Variants in SRFBP1 observed in about 807,000 individuals in gnomAD.
SRFBP1 encodes the protein serum response factor-binding protein 1.
In SRFBP1, 47 loss-of-function variants were observed where a neutral mutation model predicts 45.5. The ratio of observed to expected loss-of-function variants is 1.03; its 90% CI spans 0.82 to 1.32. SRFBP1 has a LOEUF of 1.32. SRFBP1 is among the 40% of genes most tolerant of loss of function. The pLI is 0.00. For missense variants in SRFBP1, 621 were observed against 484.6 expected (o/e 1.28, Z -2.64); for synonymous variants, 203 against 166.3 (o/e 1.22, Z -1.70).
At position 122,020,336 on chromosome 5, in the gene SRFBP1, G is replaced by A; in HGVS notation, c.601G>A (p.Ala201Thr). The change falls in exon 6 of 8, where the codon GCA (alanine) becomes ACA (threonine). Residue 201 changes from alanine (A) to threonine (T), a missense_variant. Coordinates refer to ENST00000339397, the MANE Select transcript of SRFBP1 (RefSeq NM_152546.3). Reference sequence around the variant, plus strand: ...ACATGGACCTAAAGCAGTGACTATTGCAAATTCTCCATCAAAGCCTTCAGA... The same window carrying A: ...ACATGGACCTAAAGCAGTGACTATTACAAATTCTCCATCAAAGCCTTCAGA... ...MEHGPKAVTI[A>T]NSPSKPSEKD... is the part of the protein sequence containing the mutation. 1 of 1,613,896 alleles carries A rather than the reference G, an allele frequency of 6.2e-7. No homozygotes were observed. The highest frequency in any genetic ancestry group is 1.1e-5 in the South Asian group (1 of 91,038).
chr5:122,077,726 G>A (rs572413728), downstream of SRFBP1: 4 of 1,580,308 alleles, frequency 2.5e-6, no homozygotes, highest in Admixed American at 5.4e-5. The surrounding 1 kb of genome is among the most constrained non-coding windows in gnomAD (Gnocchi z 4.9). Context: ...CGGAGTGCGG[G>A]GCTGCTGGGC....
chr5:122,017,491 C>G (rs1032923912), intron 4 of SRFBP1, among the ~76,000 whole-genome samples: 2 of 152,114 alleles, frequency 1.3e-5, no homozygotes, highest in Non-Finnish European at 2.9e-5. Flanking sequence ...TTAAGACCAC[C>G]CTGATCCACT....
rs562457241 is a variant in SRFBP1 at position 121,999,614 on chromosome 5, A to T, written c.270+4944A>T. Among the ~76,000 whole-genome samples the T allele has an allele frequency of 2.6e-5, 4 of 152,150 alleles. No individual in the cohort carries two copies. In the South Asian group the frequency reaches 6.2e-4, roughly 24 times the overall value. Reference sequence around the variant, plus strand: ...GTCACTTTTTGCCATATGCATTTTGAAACATGTATGTTAGATATGTAAACT... The same window carrying T: ...GTCACTTTTTGCCATATGCATTTTGTAACATGTATGTTAGATATGTAAACT... On this transcript the variant is annotated intron_variant, in intron 4 of 7. Coordinates refer to ENST00000339397, the MANE Select transcript of SRFBP1 (RefSeq NM_152546.3).
chr5:122,007,274 G>T (rs1365087410), intron 4 of SRFBP1, among the ~76,000 whole-genome samples: 1 of 152,012 alleles, frequency 6.6e-6, no homozygotes, highest in African/African-American at 2.4e-5. Flanking sequence ...TGGGGCCTCA[G>T]TCCATGGCAT....
chr5:121,973,458 C>T (rs1752240189), intron 1 of SRFBP1, among the ~76,000 whole-genome samples: 1 of 151,826 alleles, frequency 6.6e-6, no homozygotes, highest in Admixed American at 6.6e-5. Context: ...TCCGTAATTA[C>T]ATGCCATTGC....
chr5:122,015,637 A>G (rs888235991), intron 4 of SRFBP1, among the ~76,000 whole-genome samples: 23 of 152,234 alleles, frequency 1.5e-4, no homozygotes, highest in African/African-American at 5.3e-4. Flanking sequence ...AATAAAAGAA[A>G]GTTCCAGCGG....
chr5:122,036,210 A>G (rs1753690228), intron 2 of SRFBP1, among the ~76,000 whole-genome samples: 1 of 152,122 alleles, frequency 6.6e-6, no homozygotes, highest in Non-Finnish European at 1.5e-5. Flanking sequence ...GGACCTTCTG[A>G]TACCACTTTG....
intron 4 of SRFBP1, among the ~76,000 whole-genome samples, chr5:122,005,197 T>C (rs996343176): frequency 2.0e-5 from 3 of 152,172 alleles, no homozygotes; most frequent in Non-Finnish European, 4.4e-5. Context: ...GATGTTTCCT[T>C]ATTGATTTTC....
At chr5:122,072,733 T>G (rs1754485434) in intron 2 of SRFBP1, among the ~76,000 whole-genome samples, 1 of 152,112 alleles carries the variant, frequency 6.6e-6, no homozygotes, top group African/African-American at 2.4e-5. Flanking sequence ...AAAGAACATA[T>G]ATGGAAGATG....
Position 121,998,415 on chromosome 5 carries a change from A to G in SRFBP1, c.270+3745A>G, listed in dbSNP as rs1480515163. The stretch of plus-strand genomic sequence containing the variant: ...TCATTCTCAGTAAACTATCGCAAGA[A>G]CAAAAAACCAAACACCGCATATTCT... On this transcript the variant is annotated intron_variant, in intron 4 of 7. Coordinates refer to ENST00000339397, the MANE Select transcript of SRFBP1 (RefSeq NM_152546.3). Among the ~76,000 whole-genome samples, 27 of 145,760 alleles carry G rather than the reference A, an allele frequency of 1.9e-4. No individual in the cohort carries two copies. The East Asian group carries it at 5.2e-3, about 28-fold the overall frequency.
intron 6 of SRFBP1, among the ~76,000 whole-genome samples, chr5:122,021,668 C>G (rs1407902274): frequency 1.0e-5 from 1 of 96,954 alleles, no homozygotes; most frequent in Non-Finnish European, 2.0e-5. Flanking sequence ...AAATATAAAT[C>G]TTTTTTTTTT....
At chr5:122,043,619 T>C (rs1753805816) in intron 2 of SRFBP1, among the ~76,000 whole-genome samples, 1 of 152,236 alleles carries the variant, frequency 6.6e-6, no homozygotes, top group Non-Finnish European at 1.5e-5. Context: ...TTTTACAATA[T>C]GAAATAATTG....
At chr5:121,990,411 C>A (rs1180607749) in intron 3 of SRFBP1, among the ~76,000 whole-genome samples, 1 of 152,102 alleles carries the variant, frequency 6.6e-6, no homozygotes, top group African/African-American at 2.4e-5. Flanking sequence ...GAGCAGGAGA[C>A]ACCGTGGACT....
At chr5:122,075,546 G>A in exon 3 of SRFBP1, 1 of 1,553,320 alleles carries the variant, frequency 6.4e-7, no homozygotes, top group Non-Finnish European at 8.7e-7. Flanking sequence ...GCTGTACTGT[G>A]ATTTTGAAAA....
Position 122,019,311 on chromosome 5 carries a change from C to T in SRFBP1, c.322C>T (p.Leu108Phe), listed in dbSNP as rs1308008446. ...AATTGCCAGACTAGCAGTACATCCT[C>T]TTCTGAAGAAAAAGATAGATGTGCT... Reference protein sequence around the residue: ...RAIARLAVHPLLKKKIDVLKA... With the variant: ...RAIARLAVHPFLKKKIDVLKA... The change falls in exon 5 of 8, where the codon CTT becomes TTT. Residue 108 changes from leucine to phenylalanine, a missense_variant. Coordinates refer to ENST00000339397, the MANE Select transcript of SRFBP1 (RefSeq NM_152546.3). 2 of 1,612,360 alleles carry T rather than the reference C, an allele frequency of 1.2e-6. No homozygotes were observed. Among genetic ancestry groups the T allele is most frequent in the Admixed American group, 3.3e-5 (2 of 59,872 alleles).
intron 2 of SRFBP1, among the ~76,000 whole-genome samples, chr5:122,057,477 G>A (rs990996670): frequency 6.6e-6 from 1 of 151,580 alleles, no homozygotes; most frequent in Non-Finnish European, 1.5e-5. Flanking sequence ...GTGTGTGTGT[G>A]TGTGTGTGTG....
chr5:122,059,080 A>G (rs1246093131), intron 2 of SRFBP1, among the ~76,000 whole-genome samples: 1 of 152,166 alleles, frequency 6.6e-6, no homozygotes, highest in African/African-American at 2.4e-5. Context: ...AAACCTAAAC[A>G]TGAGGACAGA....
chr5:122,005,910 T>G (rs1164611465), intron 4 of SRFBP1, among the ~76,000 whole-genome samples: 1 of 152,188 alleles, frequency 6.6e-6, no homozygotes, highest in East Asian at 1.9e-4. Context: ...TCTTCTGATC[T>G]TCATATTAAA....
chr5:121,994,510 A>T, intron 3 of SRFBP1, 89 bp from the exon 4 acceptor site: 1 of 786,666 alleles, frequency 1.3e-6, no homozygotes. Context: ...GTTATTTAAT[A>T]TTAAGTTTCT....
Sources: allele counts gnomAD v4.1 joint callset (sites outside exome capture counted in the v4.1 genomes callset), GRCh38; gene constraint gnomAD v4.1.1; non-coding constraint Gnocchi (gnomAD v3.1); transcripts MANE v1.5; gene names NCBI Gene and HGNC (gene_info 2026-07-23, HGNC 2026-07-21).